HMGCS2: variants seen among roughly 807,000 people sequenced by gnomAD.
HMGCS2 encodes 3-hydroxy-3-methylglutaryl-CoA synthase 2, also known as hydroxymethylglutaryl-CoA synthase, mitochondrial.
In HMGCS2, 50 loss-of-function variants were observed where a neutral mutation model predicts 57.4. The observed-to-expected ratio is 0.87, with a 90% CI of 0.69 to 1.10. The LOEUF (loss-of-function observed/expected upper bound fraction) is 1.10, where lower values mean the gene tolerates loss of function less well. Among genes scored for constraint, HMGCS2 ranks in the 50% least tolerant of loss-of-function variants. The pLI, the probability that HMGCS2 is intolerant of heterozygous loss-of-function variation, is 0.00. For missense variants in HMGCS2, 627 were observed against 636.5 expected (o/e 0.99, Z 0.16); for synonymous variants, 254 against 245.1 (o/e 1.04, Z -0.34).
chr1:119,758,832 C>G (rs987689798), intron 4 of HMGCS2, among the ~76,000 whole-genome samples: 1 of 152,268 alleles, frequency 6.6e-6, no homozygotes, highest in South Asian at 2.1e-4. Context: ...TTAACACCAT[C>G]TTCTCAGGTG....
Position 119,752,578 on chromosome 1 carries a change from A to G in HMGCS2, c.1391T>C (p.Met464Thr). The G allele has an allele frequency of 6.2e-7, 1 of 1,613,968 alleles. No individual in the cohort carries two copies. The highest frequency in any genetic ancestry group is 8.5e-7 in the Non-Finnish European group (1 of 1,179,982). ...ATGGTAGAATTGCTCTCTTTGGTTC[A>G]TTATTTCTGTGAACTCCTCAGGAGA... ...CVSPEEFTEI[M>T]NQREQFYHKV... Residue 464 changes from methionine (M) to threonine (T), a missense_variant, in exon 8 of 10, where the codon ATG (methionine) becomes ACG (threonine). Transcript: ENST00000369406.
intron 7 of HMGCS2, 112 bp from the exon 8 acceptor site, chr1:119,752,786 G>A (rs984547460): frequency 2.1e-5 from 24 of 1,146,738 alleles, no homozygotes; most frequent in South Asian, 1.2e-4. Context: ...CTGGAGGAAC[G>A]TGTGGTGTGT....
Position 119,755,615 on chromosome 1 carries a change from G to A in HMGCS2, c.1017-18C>T, listed in dbSNP as rs373664352. The A allele has an allele frequency of 2.1e-4, 342 of 1,613,854 alleles. No individual in the cohort carries two copies. Among genetic ancestry groups the A allele is most frequent in the African/African-American group, 4.1e-4 (31 of 74,900 alleles). ...TTAGCCCCCTGTGAGGTAGCCAGAGGTAGCCATGTGAGAGGCCAGGGGACG... is the reference window on the plus strand; with the variant it reads ...TTAGCCCCCTGTGAGGTAGCCAGAGATAGCCATGTGAGAGGCCAGGGGACG... On this transcript the variant is annotated intron_variant, in intron 5 of 9. Coordinates refer to ENST00000369406, the MANE Select transcript of HMGCS2 (RefSeq NM_005518.4).
chr1:119,762,904 G>A (rs1653095302), intron 2 of HMGCS2, among the ~76,000 whole-genome samples: 1 of 152,100 alleles, frequency 6.6e-6, no homozygotes, highest in African/African-American at 2.4e-5. Flanking sequence ...TCAAGAATAG[G>A]CTCTTTGATT....
chr1:119,752,775 C>T (rs1652706417), intron 7 of HMGCS2, 101 bp from the exon 8 acceptor site: 15 of 1,336,146 alleles, frequency 1.1e-5, no homozygotes, highest in Non-Finnish European at 1.6e-5. Context: ...GAGGTTACAC[C>T]CTGGAGGAAC....
intron 5 of HMGCS2, among the ~76,000 whole-genome samples, chr1:119,756,199 T>G (rs1178755761): frequency 6.6e-6 from 1 of 152,218 alleles, no homozygotes; most frequent in Non-Finnish European, 1.5e-5. Flanking sequence ...GGTATTCACA[T>G]TTTAAAAAGA....
At chr1:119,763,143 T>C (rs866349351) in intron 2 of HMGCS2, among the ~76,000 whole-genome samples, 1 of 152,194 alleles carries the variant, frequency 6.6e-6, no homozygotes, top group African/African-American at 2.4e-5. Context: ...TGGAAAAGCC[T>C]GGAATGAACT....
rs1416274127 is a variant in HMGCS2, at chr1:119,750,868, T to C, written c.1461A>G (p.Pro487=). ...SPPGDTNSLF[P]GTWYLERVDE... is the part of the protein sequence containing the mutation. ...CCACTCGCTCCAGGTACCAAGTACC[T>C]GGGAAAAGGCTGTTTGTGTCACCAG... Residue 487 remains proline (P), a synonymous_variant, in exon 9 of 10, where the codon CCA becomes CCG. Coordinates refer to ENST00000369406, the MANE Select transcript of HMGCS2 (RefSeq NM_005518.4). 1.2e-6 allele frequency: 2 copies of C among 1,613,824 alleles called. No individual in the cohort carries two copies. The highest frequency in any genetic ancestry group is 1.7e-6 in the Non-Finnish European group (2 of 1,179,856).
At chr1:119,765,562 T>C (rs1229211003) in intron 1 of HMGCS2, among the ~76,000 whole-genome samples, 2 of 152,246 alleles carry the variant, frequency 1.3e-5, no homozygotes, top group Admixed American at 1.3e-4. Context: ...ATTGGCTTGT[T>C]GTAATCTTAC....
At chr1:119,759,512 T>C (rs1652963460) in intron 3 of HMGCS2, 2 of 596,066 alleles carry the variant, frequency 3.4e-6, no homozygotes, top group South Asian at 2.0e-5. Context: ...TAACAAAACC[T>C]AGAATAGAAG....
chr1:119,768,748 G>A lies in HMGCS2; in HGVS notation c.97C>T (p.His33Tyr). 1 of 1,611,346 alleles carries A rather than the reference G, an allele frequency of 6.2e-7. No individual in the cohort carries two copies. The highest frequency in any genetic ancestry group is 1.1e-5 in the South Asian group (1 of 91,020). Reference sequence around the variant, plus strand: ...TCTCAGAAAGTGACTCACCTTTGGTGGGCTACTGGGAGCAGGCGAGCAGGT... The same window carrying A: ...TCTCAGAAAGTGACTCACCTTTGGTAGGCTACTGGGAGCAGGCGAGCAGGT... Reference protein sequence around the residue: ...LTPARLLPVAHQRFSTASAVP... With the variant: ...LTPARLLPVAYQRFSTASAVP... The change falls in exon 1 of 10, where the codon CAC becomes TAC. Residue 33 changes from histidine (H) to tyrosine (Y), a missense_variant. By Grantham distance (83) the His-to-Tyr change is moderately conservative (BLOSUM62 2). Transcript: ENST00000369406.
chr1:119,758,435 G>T (rs1652925021), intron 4 of HMGCS2, among the ~76,000 whole-genome samples: 1 of 151,852 alleles, frequency 6.6e-6, no homozygotes, highest in Non-Finnish European at 1.5e-5. Context: ...ACAGGGTCTT[G>T]CTTTGTTGCC....
intron 2 of HMGCS2, among the ~76,000 whole-genome samples, chr1:119,763,182 A>T (rs1196459237): frequency 6.6e-6 from 1 of 152,234 alleles, no homozygotes; most frequent in African/African-American, 2.4e-5. Context: ...TGCTGCATGT[A>T]CAGAGATAAA....
Position 119,759,224 on chromosome 1 carries a change from C to A in HMGCS2, c.744G>T (p.Ser248=). 1 of 1,614,072 alleles carries A rather than the reference C, an allele frequency of 6.2e-7. No individual in the cohort carries two copies. The highest frequency in any genetic ancestry group is 8.5e-7 in the Non-Finnish European group (1 of 1,179,960). ...VYDFYKPNLA[S]EYPIVDGKLS... is the part of the protein sequence containing the mutation. ...GCTTCCCATCCACTATTGGGTACTC[C>A]GAGGCCAAATTTGGTTTGTAGAAGT... is the stretch of plus-strand genomic sequence containing the variant. Residue 248 remains serine, a synonymous_variant, in exon 4 of 10, where the codon TCG becomes TCT. Coordinates refer to ENST00000369406, the MANE Select transcript of HMGCS2 (RefSeq NM_005518.4).
Position 119,755,453 on chromosome 1 carries a change from G to A in HMGCS2, c.1161C>T (p.Tyr387=), listed in dbSNP as rs756169207. Residue 387 remains tyrosine (Y), a synonymous_variant, in exon 6 of 10, where the codon TAC becomes TAT. Coordinates refer to ENST00000369406, the MANE Select transcript of HMGCS2 (RefSeq NM_005518.4). Reference sequence around the variant, plus strand: ...GGGACAGAAGCGAGGCCAGGCACCCGTACAGGGATGAGGTGTACATGTTCC... The same window carrying A: ...GGGACAGAAGCGAGGCCAGGCACCCATACAGGGATGAGGTGTACATGTTCC... ...HNGNMYTSSL[Y]GCLASLLSHH... 2.7e-5 allele frequency: 43 copies of A among 1,614,170 alleles called. No homozygotes were observed. The Middle Eastern group carries it at 6.6e-4, about 25-fold the overall frequency.
Position 119,748,631 on chromosome 1 carries a change from G to A in HMGCS2, c.*216C>T, listed in dbSNP as rs1198439043. On this transcript the variant is annotated 3_prime_UTR_variant, in exon 10 of 10. Transcript: ENST00000369406. The stretch of plus-strand genomic sequence containing the variant: ...TTTCACAAAGGACCCCTAGTCCATA[G>A]CACCATAAGCCCAGGACAGTGATTG... The A allele has an allele frequency of 6.6e-6, 1 of 152,170 alleles. No individual in the cohort carries two copies. The highest frequency in any genetic ancestry group is 6.5e-5 in the Admixed American group (1 of 15,280). The allele number at this position is 152,170 out of a possible 1,614,324, so 9.4% of individuals were successfully genotyped here. A position where few individuals can be genotyped will look rare whatever the true frequency, so the allele number is the denominator to read the frequency against.
At chr1:119,760,899 G>T (rs1653014950) in intron 2 of HMGCS2, among the ~76,000 whole-genome samples, 1 of 152,000 alleles carries the variant, frequency 6.6e-6, no homozygotes, top group Admixed American at 6.6e-5. Flanking sequence ...GAGGGCTAAA[G>T]AATTTAAGCC....
chr1:119,757,618 G>A (rs1053108085), intron 4 of HMGCS2, among the ~76,000 whole-genome samples, 180 bp from the exon 5 acceptor site: 5 of 152,096 alleles, frequency 3.3e-5, no homozygotes, highest in South Asian at 2.1e-4. Flanking sequence ...CAATCTCTAC[G>A]AATAAGGAAA....
At chr1:119,759,767 T>C (rs763369216) in intron 3 of HMGCS2, 97 bp downstream of exon 3, 13 of 1,456,366 alleles carry the variant, frequency 8.9e-6, no homozygotes, top group East Asian at 2.3e-5. Context: ...CTCAAACGCA[T>C]ACCTCAGCCC....
Sources: gnomAD v4.1 joint callset for allele counts (sites outside exome capture counted in the v4.1 genomes callset) on GRCh38, gnomAD v4.1.1 for gene constraint, MANE v1.5 for transcripts, NCBI Gene and HGNC (gene_info 2026-07-23, HGNC 2026-07-21) for gene names.